GRM7: variants seen among roughly 807,000 people sequenced by gnomAD.
The protein encoded by GRM7 is glutamate metabotropic receptor 7.
Under a neutral mutation model 84.5 loss-of-function variants are expected in GRM7, and 35 were observed. That is an observed-to-expected ratio of 0.41 (90% CI 0.32 to 0.55). GRM7 has a LOEUF of 0.55. GRM7 is among the 20% of genes least tolerant of loss of function. The pLI, the probability that GRM7 is intolerant of heterozygous loss-of-function variation, is 0.19. For synonymous variants in GRM7, 487 were observed against 455.1 expected, an observed-to-expected ratio of 1.07 and a Z score of -0.89; for missense variants, 1,003 against 1,194.6, an observed-to-expected ratio of 0.84 and a Z score of 2.36.
At chr3:7,248,922 T>C (rs541284166) in intron 2 of GRM7, among the ~76,000 whole-genome samples, 42 of 152,198 alleles carry the variant, frequency 2.8e-4, no homozygotes, top group Non-Finnish European at 5.3e-4. Flanking sequence ...CTGAGATCAG[T>C]TAGAGAACAG....
At chr3:7,492,875 T>C (rs942364916) in intron 7 of GRM7, among the ~76,000 whole-genome samples, 2 of 152,102 alleles carry the variant, frequency 1.3e-5, no homozygotes, top group Non-Finnish European at 2.9e-5. Context: ...AATTTTGATA[T>C]GTTGTTGGTT....
intron 9 of GRM7, among the ~76,000 whole-genome samples, chr3:7,732,612 C>T (rs1384677092): frequency 1.3e-5 from 2 of 152,050 alleles, no homozygotes; most frequent in African/African-American, 4.8e-5. Context: ...GAATATTTCC[C>T]TGTGGCTTCT....
intron 7 of GRM7, among the ~76,000 whole-genome samples, chr3:7,550,569 CTCTCTCTCTGTGTG>C (rs1219462860): frequency 9.4e-4 from 91 of 96,790 alleles, no homozygotes; most frequent in Middle Eastern, 4.5e-3. Context: ...CTCTCTCTCT[CTCTCTCTCTGTGTG>C]TGTGTGTGTG....
intron 2 of GRM7, among the ~76,000 whole-genome samples, chr3:7,211,540 C>G (rs762402469): frequency 6.6e-6 from 1 of 151,392 alleles, no homozygotes; most frequent in African/African-American, 2.4e-5. Context: ...CAACCCATTA[C>G]CTTTTGAGAA....
intron 1 of GRM7, among the ~76,000 whole-genome samples, chr3:6,885,366 T>C (rs946607249): frequency 5.9e-5 from 9 of 152,202 alleles, no homozygotes; most frequent in African/African-American, 2.2e-4. Flanking sequence ...GGGCAACTTA[T>C]GCAGAAATTT....
intron 1 of GRM7, among the ~76,000 whole-genome samples, chr3:6,932,655 A>G (rs1354404087): frequency 6.6e-6 from 1 of 151,860 alleles, no homozygotes; most frequent in Non-Finnish European, 1.5e-5. Context: ...TGTTCATCAT[A>G]TCGGGAGGTC....
chr3:7,178,601 C>T (rs970365958), intron 2 of GRM7, among the ~76,000 whole-genome samples: 1 of 152,022 alleles, frequency 6.6e-6, no homozygotes, highest in Non-Finnish European at 1.5e-5. Context: ...ACCCATAAAG[C>T]AGAAATTGAA....
At chr3:7,542,041 T>C (rs1692908629) in intron 7 of GRM7, among the ~76,000 whole-genome samples, 1 of 152,210 alleles carries the variant, frequency 6.6e-6, no homozygotes, top group African/African-American at 2.4e-5. Flanking sequence ...CCTGTGTGTC[T>C]GTCTCTTTGT....
chr3:7,426,238 G>C (rs1696606143), intron 5 of GRM7, among the ~76,000 whole-genome samples: 1 of 151,926 alleles, frequency 6.6e-6, no homozygotes, highest in African/African-American at 2.4e-5. Flanking sequence ...TCTTGCCTCA[G>C]CCTCCCGAGT....
At chr3:7,351,951 C>G (rs1311064553) in intron 4 of GRM7, among the ~76,000 whole-genome samples, 1 of 151,754 alleles carries the variant, frequency 6.6e-6, no homozygotes, top group Non-Finnish European at 1.5e-5. Flanking sequence ...TGTGAATGGC[C>G]TATCATGGGA....
chr3:7,430,185 T>C (rs1192689762), intron 5 of GRM7, among the ~76,000 whole-genome samples: 2 of 152,208 alleles, frequency 1.3e-5, no homozygotes, highest in African/African-American at 4.8e-5. Context: ...TCTTATAAAG[T>C]ATAATTTAAT....
chr3:7,099,213 A>G (rs1698965270), intron 1 of GRM7, among the ~76,000 whole-genome samples: 1 of 149,400 alleles, frequency 6.7e-6, no homozygotes, highest in African/African-American at 2.5e-5. Flanking sequence ...ATTATATTGC[A>G]TATAATAATA....
At chr3:7,622,042 GA>G (rs1697385626) in intron 8 of GRM7, among the ~76,000 whole-genome samples, 3 of 152,124 alleles carry the variant, frequency 2.0e-5, no homozygotes, top group African/African-American at 7.2e-5. Context: ...GCAGTCCTGG[GA>G]AAAAAGTTGT....
At chr3:6,892,729 A>T (rs1696013315) in intron 1 of GRM7, 1 of 152,142 alleles carries the variant, frequency 6.6e-6, no homozygotes, top group Non-Finnish European at 1.5e-5. Context: ...CTGAGGGGTA[A>T]ACTCTGTGTT....
chr3:6,941,712 CTCTT>C (rs1449348129), intron 1 of GRM7, among the ~76,000 whole-genome samples: 4 of 152,300 alleles, frequency 2.6e-5, no homozygotes, highest in East Asian at 1.9e-4. Context: ...ATATTTCAGT[CTCTT>C]CATTCATTCA....
chr3:6,865,215 A>G lies in GRM7; in HGVS notation c.519+3308A>G, dbSNP rs541533146. On this transcript the variant is annotated intron_variant, in intron 1 of 9. Transcript: ENST00000357716. ...TAATACTCTCCTAATGCTAAGAAAG[A>G]TTAAACGTAAATTAATATTGACTAT... is the stretch of plus-strand genomic sequence containing the variant. 5.3e-5 allele frequency among the ~76,000 whole-genome samples: 8 copies of G among 152,338 alleles called. No homozygotes were observed. The South Asian group carries it at 1.7e-3, about 32-fold the overall frequency.
chr3:6,994,321 A>G (rs1312839018), intron 1 of GRM7, among the ~76,000 whole-genome samples: 20 of 152,180 alleles, frequency 1.3e-4, no homozygotes, highest in Admixed American at 1.3e-3. Context: ...TGACATGGGA[A>G]GGAATGTGGT....
At chr3:7,065,990 G>T (rs1257762105) in intron 1 of GRM7, among the ~76,000 whole-genome samples, 1 of 151,790 alleles carries the variant, frequency 6.6e-6, no homozygotes. Flanking sequence ...TGACAATAAT[G>T]ATACAACCTA....
intron 1 of GRM7, among the ~76,000 whole-genome samples, chr3:7,093,770 T>G (rs1393715935): frequency 6.8e-6 from 1 of 147,842 alleles, no homozygotes; most frequent in Non-Finnish European, 1.5e-5. Flanking sequence ...AAGCAGAAAG[T>G]TCTGTTAAAC....
Sources: allele counts gnomAD v4.1 joint callset (sites outside exome capture counted in the v4.1 genomes callset), GRCh38; gene constraint gnomAD v4.1.1; transcripts MANE v1.5; gene names NCBI Gene and HGNC (gene_info 2026-07-23, HGNC 2026-07-21).